Variants in GRIP1 observed in about 807,000 individuals in gnomAD.
GRIP1 encodes glutamate receptor interacting protein 1.
Under a neutral mutation model 129.9 loss-of-function variants are expected in GRIP1, and 45 were observed. The ratio of observed to expected loss-of-function variants is 0.35; its 90% CI spans 0.27 to 0.44. GRIP1 has a LOEUF of 0.44. GRIP1 is among the 20% of genes least tolerant of loss of function. The pLI is 1.00. For missense variants in GRIP1, 1,196 were observed against 1,396.8 expected (o/e 0.86, Z 2.29); for synonymous variants, 530 against 520.8 (o/e 1.02, Z -0.24).
At chr12:66,779,184 T>G (rs931706465) in intron 1 of GRIP1, among the ~76,000 whole-genome samples, 1 of 152,230 alleles carries the variant, frequency 6.6e-6, no homozygotes, top group African/African-American at 2.4e-5. Context: ...CAATTTGTCT[T>G]TCCTATTCCA....
chr12:66,860,383 G>A (rs982133703), intron 1 of GRIP1, among the ~76,000 whole-genome samples: 3 of 152,082 alleles, frequency 2.0e-5, no homozygotes, highest in African/African-American at 7.2e-5. Context: ...CGGGCACTTG[G>A]AGCATTCGTC....
chr12:66,798,663 A>T (rs1228076473), intron 1 of GRIP1, among the ~76,000 whole-genome samples: 1 of 152,170 alleles, frequency 6.6e-6, no homozygotes, highest in African/African-American at 2.4e-5. Context: ...TAATTATGCC[A>T]TTTTAAGTCC....
intron 1 of GRIP1, among the ~76,000 whole-genome samples, chr12:66,775,927 G>A (rs1228175524): frequency 6.6e-6 from 1 of 152,176 alleles, no homozygotes; most frequent in Non-Finnish European, 1.5e-5. Flanking sequence ...TTATGTGCAA[G>A]GAGGAGGGAG....
chr12:66,976,485 AT>A lies in GRIP1; in HGVS notation c.58+92564del, dbSNP rs555604062. On this transcript the variant is annotated intron_variant, in intron 1 of 1. Coordinates refer to the GRIP1 transcript ENST00000643019. ...TTTACACCACTTATCTTGTACATAT[AT>A]TTTCATTTGAACATTTCACCTCCAA... 1.2e-3 allele frequency among the ~76,000 whole-genome samples: 176 copies of A among 152,310 alleles called. 2 individuals are homozygous for A. Among genetic ancestry groups the A allele is most frequent in the South Asian group, 0.011 (55 of 4,824 alleles).
intron 1 of GRIP1, among the ~76,000 whole-genome samples, chr12:66,979,978 A>G (rs916041591): frequency 6.6e-6 from 1 of 152,154 alleles, no homozygotes; most frequent in Non-Finnish European, 1.5e-5. Context: ...CTGTTGTTCT[A>G]GGCCACCCAG....
At chr12:66,692,652 C>T (rs1822244124) in intron 1 of GRIP1, among the ~76,000 whole-genome samples, 1 of 152,104 alleles carries the variant, frequency 6.6e-6, no homozygotes, top group Admixed American at 6.6e-5. Flanking sequence ...TCAGAAGTGC[C>T]ACATTGTCAT....
At chr12:66,600,027 G>A (rs1228588517) in intron 1 of GRIP1, among the ~76,000 whole-genome samples, 1 of 152,204 alleles carries the variant, frequency 6.6e-6, no homozygotes, top group Non-Finnish European at 1.5e-5. Context: ...CTTGTATGGT[G>A]TAAGTTAATT....
intron 1 of GRIP1, among the ~76,000 whole-genome samples, chr12:66,830,104 T>C (rs2039490417): frequency 6.6e-6 from 1 of 152,194 alleles, no homozygotes; most frequent in Admixed American, 6.5e-5. Context: ...TGCTTGGCCC[T>C]TATAACACAT....
chr12:66,697,382 C>A (rs371626571), intron 1 of GRIP1, among the ~76,000 whole-genome samples: 70 of 152,222 alleles, frequency 4.6e-4, no homozygotes, highest in African/African-American at 1.6e-3. Context: ...AGAGCCACTA[C>A]AGGTATTAAT....
intron 1 of GRIP1, among the ~76,000 whole-genome samples, chr12:66,793,309 G>A (rs1357506865): frequency 6.6e-6 from 1 of 152,104 alleles, no homozygotes; most frequent in Non-Finnish European, 1.5e-5. Flanking sequence ...CTTGTACTAC[G>A]TTGCTGAGGG....
intron 1 of GRIP1, among the ~76,000 whole-genome samples, chr12:66,985,018 T>A (rs1020001078): frequency 3.3e-5 from 5 of 152,196 alleles, no homozygotes; most frequent in African/African-American, 9.7e-5. Context: ...TCTGAAAGCT[T>A]ACTCACTCTT....
At chr12:66,750,103 T>G (rs1459319490) in intron 1 of GRIP1, among the ~76,000 whole-genome samples, 3 of 152,188 alleles carry the variant, frequency 2.0e-5, no homozygotes. Flanking sequence ...TTCACACATT[T>G]TTCTTCTCTC....
At chr12:66,462,311 T>C (rs1041991453) in intron 9 of GRIP1, among the ~76,000 whole-genome samples, 1 of 152,236 alleles carries the variant, frequency 6.6e-6, no homozygotes, top group Non-Finnish European at 1.5e-5. Context: ...AAGGTTCTGC[T>C]ATTAAAATCC....
Position 66,880,973 on chromosome 12 carries a change from T to G in GRIP1, c.58+188077A>C, listed in dbSNP as rs962432313. Among the ~76,000 whole-genome samples the G allele has an allele frequency of 5.3e-5, 8 of 151,938 alleles. 1 individual carries two copies. Among genetic ancestry groups the G allele is most frequent in the Admixed American group, 1.3e-4 (2 of 15,268 alleles). On this transcript the variant is annotated intron_variant, in intron 1 of 1. Coordinates refer to the GRIP1 transcript ENST00000643019. ...CAATACTTGAAGTCAGGTTTTCAGGTAGAATTTCTGTTACTCTTCTGTTTT... is the reference window on the plus strand; with the variant it reads ...CAATACTTGAAGTCAGGTTTTCAGGGAGAATTTCTGTTACTCTTCTGTTTT...
chr12:66,861,417 G>GA (rs1452173787), intron 1 of GRIP1, among the ~76,000 whole-genome samples: 2 of 152,132 alleles, frequency 1.3e-5, no homozygotes, highest in Non-Finnish European at 2.9e-5. Flanking sequence ...ATTTCCTGCA[G>GA]CTTTTCAATG....
At chr12:66,616,960 G>C (rs928778605) in intron 1 of GRIP1, among the ~76,000 whole-genome samples, 4 of 151,934 alleles carry the variant, frequency 2.6e-5, no homozygotes, top group Admixed American at 6.6e-5. Flanking sequence ...AAATCACAAG[G>C]GCCTCGGGCG....
Position 66,349,037 on chromosome 12 carries a change from T to C in GRIP1, c.3369A>G (p.Glu1123=). The C allele has an allele frequency of 1.2e-6, 2 of 1,611,766 alleles. No homozygotes were observed. The highest frequency in any genetic ancestry group is 1.7e-6 in the Non-Finnish European group (2 of 1,177,794). The change falls in exon 25 of 25, where the codon GAA becomes GAG. Residue 1123 remains glutamate (E), a synonymous_variant. Coordinates refer to ENST00000359742, the MANE Select transcript of GRIP1 (RefSeq NM_001366722.1). The part of the protein sequence containing the change: ...PSHGGNLETR[E]PTNTL ...AGCGTTGCTATAATGTATTAGTGGG[T>C]TCTCGTGTCTCCAAATTACCACCGT...
At chr12:66,865,378 CTT>C (rs1455449969) in intron 1 of GRIP1, among the ~76,000 whole-genome samples, 1 of 151,852 alleles carries the variant, frequency 6.6e-6, no homozygotes, top group South Asian at 2.1e-4. Flanking sequence ...AAGATTATAA[CTT>C]TTTTCTTTAG....
intron 23 of GRIP1, among the ~76,000 whole-genome samples, chr12:66,362,856 T>G (rs994063277): frequency 3.3e-5 from 5 of 151,690 alleles, no homozygotes; most frequent in Non-Finnish European, 5.9e-5. Context: ...GGATGGCAAT[T>G]CTCACTGCTT....
Sources: gnomAD v4.1 joint callset for allele counts (sites outside exome capture counted in the v4.1 genomes callset) on GRCh38, gnomAD v4.1.1 for gene constraint, MANE v1.5 for transcripts, NCBI Gene and HGNC (gene_info 2026-07-23, HGNC 2026-07-21) for gene names.